PLCXD2: variants seen among roughly 807,000 people sequenced by gnomAD.
PLCXD2 encodes PI-PLC X domain-containing protein 2.
A neutral mutation model predicts 28.6 loss-of-function variants in PLCXD2; 21 were observed. That is an observed-to-expected ratio of 0.73 (90% confidence interval 0.52 to 1.06). The LOEUF is 1.06. Among genes scored for constraint, PLCXD2 ranks in the 50% least tolerant of loss-of-function variants. The probability of loss-of-function intolerance (pLI) is 0.00; values close to 1 mark genes in which losing one functional copy is unlikely to be tolerated. For synonymous variants in PLCXD2, 140 were observed against 150.1 expected, an observed-to-expected ratio of 0.93 and a Z score of 0.49; for missense variants, 369 against 376.7, an observed-to-expected ratio of 0.98 and a Z score of 0.17.
chr3:111,678,032 A>C (rs1162629219), intron 1 of PLCXD2, among the ~76,000 whole-genome samples: 1 of 152,186 alleles, frequency 6.6e-6, no homozygotes, highest in Non-Finnish European at 1.5e-5. Context: ...GGTCAGATCT[A>C]TCAGGATGGT....
chr3:111,721,819 C>T (rs1252484538), intron 3 of PLCXD2: 1 of 152,194 alleles, frequency 6.6e-6, no homozygotes, highest in East Asian at 1.9e-4. Flanking sequence ...GCCTAGGACT[C>T]AGGTCTGCAC....
At chr3:111,695,826 G>A (rs1396207505) in intron 1 of PLCXD2, among the ~76,000 whole-genome samples, 1 of 152,178 alleles carries the variant, frequency 6.6e-6, no homozygotes, top group Admixed American at 6.5e-5. Flanking sequence ...ACTTCATCAC[G>A]CTCCTCAGAA....
chr3:111,697,433 T>G (rs1204799433), intron 1 of PLCXD2, among the ~76,000 whole-genome samples: 3 of 152,200 alleles, frequency 2.0e-5, no homozygotes, highest in Admixed American at 6.5e-5. Context: ...AACATAAACT[T>G]GGCCATACTT....
intron 3 of PLCXD2, among the ~76,000 whole-genome samples, chr3:111,718,891 T>C (rs1399592889): frequency 6.6e-6 from 1 of 152,238 alleles, no homozygotes; most frequent in Non-Finnish European, 1.5e-5. Context: ...AATTATCACA[T>C]TGAATTTTCA....
At chr3:111,676,728 C>G (rs1269075496) in intron 1 of PLCXD2, 1 of 152,186 alleles carries the variant, frequency 6.6e-6, no homozygotes, top group Non-Finnish European at 1.5e-5. Context: ...GCATGGGCCA[C>G]TTTTAACATT....
At chr3:111,720,304 G>A (rs1157333920) in intron 3 of PLCXD2, among the ~76,000 whole-genome samples, 1 of 151,952 alleles carries the variant, frequency 6.6e-6, no homozygotes, top group African/African-American at 2.4e-5. Flanking sequence ...AGGCTCAGGT[G>A]ATTACCCCTC....
intron 3 of PLCXD2, chr3:111,724,900 T>C (rs66539950): frequency 0.12 from 18,738 of 152,246 alleles, 1,257 homozygotes; most frequent in African/African-American, 0.15. Flanking sequence ...TCTGCTACTT[T>C]AGTGCTGACT....
intron 2 of PLCXD2, among the ~76,000 whole-genome samples, chr3:111,711,586 C>T (rs1438135931): frequency 1.3e-5 from 2 of 152,142 alleles, no homozygotes; most frequent in Non-Finnish European, 2.9e-5. Flanking sequence ...AGTATGCTAC[C>T]ATTCAGTCAA....
chr3:111,715,872 A>G (rs1941260232), intron 3 of PLCXD2, among the ~76,000 whole-genome samples: 1 of 152,174 alleles, frequency 6.6e-6, no homozygotes, highest in African/African-American at 2.4e-5. Context: ...TCTTATTAGT[A>G]CCTGAATCTG....
intron 2 of PLCXD2, among the ~76,000 whole-genome samples, chr3:111,710,700 C>A (rs1013106494): frequency 1.3e-5 from 2 of 152,062 alleles, no homozygotes; most frequent in Non-Finnish European, 2.9e-5. Context: ...TATTAATGAG[C>A]CCCTATTATC....
At chr3:111,720,561 C>G (rs1941333009) in intron 3 of PLCXD2, among the ~76,000 whole-genome samples, 162 bp from the exon 4 acceptor site, 1 of 152,204 alleles carries the variant, frequency 6.6e-6, no homozygotes, top group African/African-American at 2.4e-5. Context: ...TACTTCATCC[C>G]TGAAGGAGAT....
intron 1 of PLCXD2, among the ~76,000 whole-genome samples, chr3:111,675,715 A>G (rs1940611223): frequency 6.6e-6 from 1 of 152,148 alleles, no homozygotes; most frequent in Non-Finnish European, 1.5e-5. Flanking sequence ...TGTGTATGTG[A>G]GGGGTGCATT....
At chr3:111,718,529 A>G (rs1440177886) in intron 3 of PLCXD2, among the ~76,000 whole-genome samples, 2 of 92,290 alleles carry the variant, frequency 2.2e-5, no homozygotes, top group South Asian at 6.0e-4. Context: ...AGATAGATAG[A>G]TAGATTGATT....
intron 1 of PLCXD2, among the ~76,000 whole-genome samples, chr3:111,678,830 G>A (rs1940666311): frequency 6.6e-6 from 1 of 152,110 alleles, no homozygotes; most frequent in Non-Finnish European, 1.5e-5. Context: ...GAGCTGGAAG[G>A]AATGATTGGG....
At chr3:111,701,054 A>C (rs1941034406) in intron 1 of PLCXD2, among the ~76,000 whole-genome samples, 1 of 152,198 alleles carries the variant, frequency 6.6e-6, no homozygotes, top group South Asian at 2.1e-4. Context: ...AGAGAGGAAC[A>C]ATGAATCAGG....
intron 1 of PLCXD2, among the ~76,000 whole-genome samples, chr3:111,679,085 A>G (rs1184997071): frequency 1.3e-5 from 2 of 152,162 alleles, no homozygotes; most frequent in Non-Finnish European, 2.9e-5. Context: ...GTTTTTTTAA[A>G]AAGAACTAAT....
At chr3:111,680,637 C>T (rs1297286854) in intron 1 of PLCXD2, among the ~76,000 whole-genome samples, 3 of 152,166 alleles carry the variant, frequency 2.0e-5, no homozygotes, top group Non-Finnish European at 4.4e-5. Context: ...CTCTAGCCAT[C>T]TCTCCTCCTG....
chr3:111,704,464 G>A lies in PLCXD2; in HGVS notation c.164-3462G>A, dbSNP rs146085528. Among the ~76,000 whole-genome samples, 325 of 152,334 alleles carry A rather than the reference G, an allele frequency of 2.1e-3. 2 individuals carry two copies. Among genetic ancestry groups the A allele is most frequent in the African/African-American group, 7.1e-3 (294 of 41,572 alleles). On this transcript the variant is annotated intron_variant, in intron 1 of 4. Transcript: ENST00000477665. ...GCTACTATTGAAATATTTTCTCACT[G>A]TAATTAGGAATATGCCTATGGTGGT...
chr3:111,718,103 C>G (rs1212507698), intron 3 of PLCXD2, among the ~76,000 whole-genome samples: 2 of 151,968 alleles, frequency 1.3e-5, no homozygotes, highest in Non-Finnish European at 1.5e-5. Context: ...TATCACTCTT[C>G]AGGAGTCCCC....
Sources: allele counts gnomAD v4.1 joint callset (sites outside exome capture counted in the v4.1 genomes callset), GRCh38; gene constraint gnomAD v4.1.1; transcripts MANE v1.5; gene names NCBI Gene and HGNC (gene_info 2026-07-23, HGNC 2026-07-21).